Variants in WDR76 observed in about 807,000 individuals in gnomAD.
The protein encoded by WDR76 is WD repeat-containing protein 76.
WDR76 carries 52 observed loss-of-function variants against 70.2 expected under a neutral mutation model. The observed-to-expected ratio is 0.74, with a 90% CI of 0.59 to 0.93. The LOEUF (loss-of-function observed/expected upper bound fraction) is 0.93, where lower values mean the gene tolerates loss of function less well. Among genes scored for constraint, WDR76 ranks in the 40% least tolerant of loss-of-function variants. The pLI, the probability that WDR76 is intolerant of heterozygous loss-of-function variation, is 0.00. For synonymous variants in WDR76, 292 were observed against 271.1 expected, an observed-to-expected ratio of 1.08 and a Z score of -0.76; for missense variants, 756 against 760.2, an observed-to-expected ratio of 0.99 and a Z score of 0.07.
At chr15:43,838,539 A>C (rs1567184149) in intron 4 of WDR76, among the ~76,000 whole-genome samples, 1 of 152,174 alleles carries the variant, frequency 6.6e-6, no homozygotes, top group Non-Finnish European at 1.5e-5. Context: ...TATATTGTTT[A>C]GCTTTGTCTT....
chr15:43,843,264 G>T (rs1033241532), intron 7 of WDR76, among the ~76,000 whole-genome samples: 1 of 152,076 alleles, frequency 6.6e-6, no homozygotes, highest in Non-Finnish European at 1.5e-5. Context: ...CAAGTGAGCT[G>T]TCTGCCTTGG....
intron 8 of WDR76, among the ~76,000 whole-genome samples, chr15:43,850,558 G>C (rs1298455155): frequency 2.0e-5 from 3 of 152,008 alleles, no homozygotes; most frequent in Non-Finnish European, 4.4e-5. Flanking sequence ...GCCTCCCAAA[G>C]TGCTAGGATT....
chr15:43,839,552 A>G, intron 4 of WDR76, 53 bp from the exon 5 acceptor site: 1 of 1,552,300 alleles, frequency 6.4e-7, no homozygotes, highest in South Asian at 1.2e-5. Flanking sequence ...AGTATTAGTA[A>G]ATACATTTTA....
At chr15:43,831,094 G>A (rs1477285726) in intron 2 of WDR76, among the ~76,000 whole-genome samples, 1 of 151,658 alleles carries the variant, frequency 6.6e-6, no homozygotes, top group Non-Finnish European at 1.5e-5. Context: ...AGCCAGGCGT[G>A]GTGGCAGGTG....
At chr15:43,831,146 G>A (rs1053072462) in intron 2 of WDR76, among the ~76,000 whole-genome samples, 1 of 151,804 alleles carries the variant, frequency 6.6e-6, no homozygotes, top group Non-Finnish European at 1.5e-5. Context: ...TGGGAGAATC[G>A]CTTGAACCTA....
chr15:43,855,810 C>T (rs1209713793), intron 9 of WDR76, among the ~76,000 whole-genome samples: 1 of 150,918 alleles, frequency 6.6e-6, no homozygotes, highest in East Asian at 1.9e-4. Flanking sequence ...GATCGTGCCA[C>T]TGTACTCCAG....
intron 5 of WDR76, among the ~76,000 whole-genome samples, chr15:43,841,177 C>T (rs1394348253): frequency 2.7e-5 from 4 of 150,012 alleles, no homozygotes; most frequent in Non-Finnish European, 5.9e-5. Context: ...TGTGCTACCA[C>T]GCCTGGCTAA....
At chr15:43,858,610 C>T in intron 10 of WDR76, 61 bp from the exon 11 acceptor site, 2 of 1,578,692 alleles carry the variant, frequency 1.3e-6, no homozygotes, top group Admixed American at 1.8e-5. Flanking sequence ...ATGTTTAGCC[C>T]TGTTGTAGAG....
intron 9 of WDR76, among the ~76,000 whole-genome samples, chr15:43,852,809 C>T (rs1187593042): frequency 6.6e-6 from 1 of 152,238 alleles, no homozygotes; most frequent in Non-Finnish European, 1.5e-5. Flanking sequence ...TTTATGGCTG[C>T]ATAATATGCC....
In WDR76 at chr15:43,839,654, T is replaced by A. The variant is rs1250852741; in HGVS notation, c.658T>A (p.Leu220Ile). The A allele has an allele frequency of 6.2e-7, 1 of 1,612,954 alleles. No individual in the cohort carries two copies. The highest frequency in any genetic ancestry group is 8.5e-7 in the Non-Finnish European group (1 of 1,179,260). ...GATTGGATGTAGAAGGTCAATGCGA[T>A]TACTAAAAGTTGATCCTTCGGGAGT... The part of the protein sequence containing the change: ...NGIGCRRSMR[L>I]LKVDPSGVSL... The change falls in exon 5 of 13, where the codon TTA becomes ATA. Residue 220 changes from leucine to isoleucine, a missense_variant. Transcript: ENST00000263795.
At chr15:43,857,961 C>CTTTTT (rs397854561) in intron 10 of WDR76, among the ~76,000 whole-genome samples, 5 of 95,534 alleles carry the variant, frequency 5.2e-5, no homozygotes, top group South Asian at 3.7e-4. Context: ...AGGGTTCTGT[C>CTTTTT]TTTTTTTTTT....
At chr15:43,833,887 G>A (rs899421922) in intron 2 of WDR76, among the ~76,000 whole-genome samples, 6 of 149,128 alleles carry the variant, frequency 4.0e-5, no homozygotes, top group Non-Finnish European at 5.9e-5. Context: ...TGCCTGCCTC[G>A]GCCTCTCAAA....
At chr15:43,834,531 C>T (rs1436552669) in intron 2 of WDR76, among the ~76,000 whole-genome samples, 4 of 150,082 alleles carry the variant, frequency 2.7e-5, no homozygotes, top group East Asian at 1.9e-4. Context: ...AGGCTGGTCT[C>T]GAACTCCTGA....
chr15:43,853,717 C>A (rs76959697), intron 9 of WDR76, among the ~76,000 whole-genome samples: 4 of 151,820 alleles, frequency 2.6e-5, no homozygotes, highest in African/African-American at 9.7e-5. Context: ...ACCAGCCTGG[C>A]CAACATGGTG....
At chr15:43,838,836 T>C (rs2087689017) in intron 4 of WDR76, among the ~76,000 whole-genome samples, 1 of 152,170 alleles carries the variant, frequency 6.6e-6, no homozygotes, top group African/African-American at 2.4e-5. Flanking sequence ...TTTCTAGGAT[T>C]GTATGACAGC....
intron 2 of WDR76, among the ~76,000 whole-genome samples, chr15:43,833,092 C>T (rs2087611273): frequency 6.6e-6 from 1 of 151,410 alleles, no homozygotes; most frequent in African/African-American, 2.4e-5. Flanking sequence ...CCAAAGGCTG[C>T]ATACTCATTG....
chr15:43,849,058 C>T (rs1425133025), intron 8 of WDR76, among the ~76,000 whole-genome samples: 1 of 150,846 alleles, frequency 6.6e-6, no homozygotes, highest in African/African-American at 2.4e-5. Context: ...GCCTGTAATC[C>T]CAGCGACTCA....
intron 5 of WDR76, among the ~76,000 whole-genome samples, chr15:43,841,855 G>T (rs1827565080): frequency 6.6e-6 from 1 of 151,774 alleles, no homozygotes; most frequent in Admixed American, 6.6e-5. Context: ...AGTTTCTGGG[G>T]TTTTTTTGTT....
intron 8 of WDR76, among the ~76,000 whole-genome samples, chr15:43,846,054 T>C (rs757710476): frequency 6.7e-6 from 1 of 149,810 alleles, no homozygotes; most frequent in Non-Finnish European, 1.5e-5. Context: ...AAGATCAGAA[T>C]AGTATGTTTT....
Sources: gnomAD v4.1 joint callset for allele counts (sites outside exome capture counted in the v4.1 genomes callset) on GRCh38, gnomAD v4.1.1 for gene constraint, MANE v1.5 for transcripts, NCBI Gene and HGNC (gene_info 2026-07-23, HGNC 2026-07-21) for gene names.